The following ERBB4 variants were observed in gnomAD, a reference collection of about 807,000 sequenced individuals.
ERBB4 encodes the protein erb-b2 receptor tyrosine kinase 4, also known as receptor tyrosine-protein kinase erbB-4.
ERBB4 carries 42 observed loss-of-function variants against 158.0 expected under a neutral mutation model. The ratio of observed to expected loss-of-function variants is 0.27; its 90% CI spans 0.21 to 0.34. The LOEUF (loss-of-function observed/expected upper bound fraction) is 0.34. ERBB4 is among the 10% of genes least tolerant of loss of function. The pLI, the probability that ERBB4 is intolerant of heterozygous loss-of-function variation, is 1.00. For missense variants in ERBB4, 1,333 were observed against 1,624.1 expected, an observed-to-expected ratio of 0.82 and a Z score of 3.08; for synonymous variants, 583 against 558.7, an observed-to-expected ratio of 1.04 and a Z score of -0.61.
At chr2:212,347,253 G>C (rs1269283355) in intron 1 of ERBB4, among the ~76,000 whole-genome samples, 12 of 152,064 alleles carry the variant, frequency 7.9e-5, no homozygotes, top group Non-Finnish European at 1.8e-4. Flanking sequence ...AATCTTCAAC[G>C]TATAAATTAT....
intron 2 of ERBB4, among the ~76,000 whole-genome samples, chr2:211,998,761 T>A (rs2076031697): frequency 6.6e-6 from 1 of 151,770 alleles, no homozygotes; most frequent in African/African-American, 2.4e-5. Flanking sequence ...TTTGAAAAAA[T>A]TTCACAACCA....
chr2:211,844,905 G>A (rs1305009924), intron 3 of ERBB4, among the ~76,000 whole-genome samples: 6 of 152,098 alleles, frequency 3.9e-5, no homozygotes, highest in Admixed American at 6.6e-5. Flanking sequence ...TATTCTTAGT[G>A]TCCTCCAGCA....
chr2:211,773,785 A>AAATGTTAACTAGAT (rs1457861119), intron 4 of ERBB4, among the ~76,000 whole-genome samples: 1 of 150,644 alleles, frequency 6.6e-6, no homozygotes, highest in Non-Finnish European at 1.5e-5. Context: ...TATAAAGGAG[A>AAATGTTAACTAGAT]AATGTTAACT....
intron 1 of ERBB4, among the ~76,000 whole-genome samples, chr2:212,358,440 T>A (rs1471379913): frequency 6.6e-6 from 1 of 151,684 alleles, no homozygotes; most frequent in African/African-American, 2.4e-5. Context: ...AGACAAATAA[T>A]TTGTACAAAA....
rs115810288 is a variant in ERBB4 at position 211,543,837 on chromosome 2, G to A, written c.2487+18066C>T. On this transcript the variant is annotated intron_variant, in intron 20 of 27. Coordinates refer to ENST00000342788, the MANE Select transcript of ERBB4 (RefSeq NM_005235.3). ...TCTCCAAGCCAGTCTTTTGGGAAAT[G>A]CAAGTTAAAAAAAAAAAAGAAAAAG... 2.3e-3 allele frequency among the ~76,000 whole-genome samples: 352 copies of A among 150,556 alleles called. 3 individuals carry two copies. Among genetic ancestry groups the A allele is most frequent in the Non-Finnish European group, 3.6e-3 (243 of 67,672 alleles).
In ERBB4 at chr2:211,535,589, A is replaced by ATGTGTGTGTGTGTG. The variant is rs10636668; in HGVS notation, c.2487+26300_2487+26313dup. On this transcript the variant is annotated intron_variant, in intron 20 of 27. Transcript: ENST00000342788. ...AAAAAAAAAGAGAGAGAGAGAGTGTATGTGTGTGTGTGTGTGTGTGTGTGT... is the reference window on the plus strand; with the variant it reads ...AAAAAAAAAGAGAGAGAGAGAGTGTATGTGTGTGTGTGTGTGTGTGTGTGTGTGTGTGTGTGTGT... 1.1e-3 allele frequency: 156 copies of ATGTGTGTGTGTGTG among 144,832 alleles called. 1 individual carries two copies. The highest frequency in any genetic ancestry group is 3.6e-3 in the African/African-American group (146 of 40,190). 9.0% of individuals were successfully genotyped at this position (144,832 alleles called of 1,614,324 possible).
intron 3 of ERBB4, among the ~76,000 whole-genome samples, chr2:211,881,583 A>G (rs1028981811): frequency 7.7e-6 from 1 of 129,192 alleles, no homozygotes; most frequent in African/African-American, 3.0e-5. Context: ...CCTGCATAAT[A>G]AAAGATTGGG....
In ERBB4 at chr2:211,679,090, T is replaced by C; in HGVS notation, c.1584A>G (p.Arg528=). The C allele has an allele frequency of 6.2e-7, 1 of 1,609,958 alleles. No homozygotes were observed. Among genetic ancestry groups the C allele is most frequent in the Non-Finnish European group, 8.5e-7 (1 of 1,177,706 alleles). Reference sequence around the variant, plus strand: ...TACAAGACTCTATGCAGATCCTTCCTCTACTGAAGCGGCGACACGACAGAC... The same window carrying C: ...TACAAGACTCTATGCAGATCCTTCCCCTACTGAAGCGGCGACACGACAGAC... ...DQCLSCRRFS[R]GRICIESCNL... The change falls in exon 13 of 28, where the codon AGA becomes AGG. Residue 528 remains arginine, a synonymous_variant. Transcript: ENST00000342788.
At chr2:211,723,176 G>A (rs904758879) in intron 6 of ERBB4, among the ~76,000 whole-genome samples, 9 of 152,130 alleles carry the variant, frequency 5.9e-5, no homozygotes, top group Non-Finnish European at 1.2e-4. Flanking sequence ...AAGCTACCAT[G>A]TAGAAGACAG....
At chr2:212,048,249 A>T (rs1361668726) in intron 2 of ERBB4, among the ~76,000 whole-genome samples, 1 of 152,234 alleles carries the variant, frequency 6.6e-6, no homozygotes, top group Non-Finnish European at 1.5e-5. Context: ...ATGGAATATG[A>T]CTTTTACTTT....
At chr2:211,459,709 T>C (rs1169476939) in intron 20 of ERBB4, among the ~76,000 whole-genome samples, 1 of 152,190 alleles carries the variant, frequency 6.6e-6, no homozygotes, top group South Asian at 2.1e-4. Context: ...TCCCCAGCCA[T>C]GTGAAACTGT....
rs201431972 is a variant in ERBB4, at chr2:212,036,815, T to TA, written c.234+87936dup. Among the ~76,000 whole-genome samples the TA allele has an allele frequency of 8.6e-3, 1,304 of 152,214 alleles. 20 individuals carry two copies. The highest frequency in any genetic ancestry group is 0.03 in the African/African-American group (1,232 of 41,524). ...TATTCCATGCAAGTTTAGATTCTAT[T>TA]AAAAAAATACTAACAACTACCCTTT... On this transcript the variant is annotated intron_variant, in intron 2 of 27. Transcript: ENST00000342788.
chr2:212,347,280 T>C (rs992317819), intron 1 of ERBB4, among the ~76,000 whole-genome samples: 8 of 152,170 alleles, frequency 5.3e-5, no homozygotes, highest in Admixed American at 3.3e-4. Flanking sequence ...TATAATTGAT[T>C]ATAGTTATTT....
intron 1 of ERBB4, among the ~76,000 whole-genome samples, chr2:212,284,762 T>A (rs2085896104): frequency 6.6e-6 from 1 of 151,536 alleles, no homozygotes; most frequent in South Asian, 2.1e-4. Flanking sequence ...TTAGTTATTT[T>A]ATTTTTCCTT....
chr2:211,990,044 GA>G (rs375483051), intron 2 of ERBB4, among the ~76,000 whole-genome samples: 7,898 of 146,226 alleles, frequency 0.054, 236 homozygotes, highest in Middle Eastern at 0.07. Flanking sequence ...AGTTAGGAAT[GA>G]AAAAAAAAAT....
chr2:211,448,405 C>T (rs748448940), intron 20 of ERBB4, among the ~76,000 whole-genome samples: 1 of 151,360 alleles, frequency 6.6e-6, no homozygotes, highest in Non-Finnish European at 1.5e-5. Context: ...GTTTGAACAG[C>T]CATTTATGAT....
intron 20 of ERBB4, among the ~76,000 whole-genome samples, chr2:211,473,394 T>C (rs2064878029): frequency 6.6e-6 from 1 of 152,088 alleles, no homozygotes; most frequent in African/African-American, 2.4e-5. Flanking sequence ...AGAGATTAAA[T>C]GTCATTTGCT....
intron 3 of ERBB4, among the ~76,000 whole-genome samples, chr2:211,874,463 T>C (rs2078441368): frequency 6.6e-6 from 1 of 152,234 alleles, no homozygotes; most frequent in Non-Finnish European, 1.5e-5. Flanking sequence ...TGTAATTATT[T>C]AATGCTAGGT....
At chr2:212,395,748 T>C (rs1354032289) in intron 1 of ERBB4, among the ~76,000 whole-genome samples, 1 of 151,226 alleles carries the variant, frequency 6.6e-6, no homozygotes, top group East Asian at 1.9e-4. Flanking sequence ...GCATCCTGAG[T>C]AGCTGGGACT....
Sources: allele counts gnomAD v4.1 joint callset (sites outside exome capture counted in the v4.1 genomes callset), GRCh38; gene constraint gnomAD v4.1.1; transcripts MANE v1.5; gene names NCBI Gene and HGNC (gene_info 2026-07-23, HGNC 2026-07-21).